The following SGSM3 variants were observed in gnomAD, a reference collection of about 807,000 sequenced individuals.
SGSM3 encodes the protein small G protein signaling modulator 3, also known as RUN and SH3 containing 3.
In SGSM3, 96 loss-of-function variants were observed where a neutral mutation model predicts 100.5. That is an observed-to-expected ratio of 0.96 (90% CI 0.81 to 1.13). The LOEUF is 1.13. SGSM3 is among the 50% of genes most tolerant of loss of function. SGSM3 has a pLI of 0.00. For synonymous variants in SGSM3, 483 were observed against 422.8 expected, an observed-to-expected ratio of 1.14 and a Z score of -1.75; for missense variants, 1,001 against 1,015.8, an observed-to-expected ratio of 0.99 and a Z score of 0.20.
intron 6 of SGSM3, 59 bp from the exon 7 acceptor site, chr22:40,405,082 C>T: frequency 1.4e-6 from 2 of 1,453,974 alleles, no homozygotes; most frequent in South Asian, 1.6e-5. Context: ...CTGGGGTCTG[C>T]CTCCCTCCCA....
In SGSM3 at chr22:40,370,664, G is replaced by A. The variant is rs542534521; in HGVS notation, c.-136G>A. 2 of 152,524 alleles carry A rather than the reference G, an allele frequency of 1.3e-5. No homozygotes were observed. Among genetic ancestry groups the A allele is most frequent in the East Asian group, 1.9e-4 (1 of 5,188 alleles). The allele number at this position is 152,524 out of a possible 1,614,324, so 9.4% of individuals were successfully genotyped here. On this transcript the variant is annotated 5_prime_UTR_variant, in exon 1 of 22. Coordinates refer to ENST00000248929, the MANE Select transcript of SGSM3 (RefSeq NM_015705.6). ...GGAAGCTGCTAACCCGACCCGGATT[G>A]GCGCTGAGGTGGCCCGTGGGGCAGG...
rs760678093 is a variant in SGSM3 at position 40,408,305 on chromosome 22, C to T, written c.1658C>T (p.Thr553Met). 35 of 1,613,406 alleles carry T rather than the reference C, an allele frequency of 2.2e-5. No individual in the cohort carries two copies. The highest frequency in any genetic ancestry group is 5.5e-5 in the South Asian group (5 of 91,086). Residue 553 changes from threonine (T) to methionine (M), a missense_variant, in exon 16 of 22, where the codon ACG becomes ATG. Thr to Met is a moderately conservative substitution (Grantham distance 81). Coordinates refer to ENST00000248929, the MANE Select transcript of SGSM3 (RefSeq NM_015705.6). ...EYSIAGDDSV[T>M]EGVTDLVRGT... ...TCCATCGCGGGGGATGACTCGGTGA[C>T]GGAGGGGGTCACAGACCTCGTGCGA...
intron 1 of SGSM3, among the ~76,000 whole-genome samples, chr22:40,374,120 T>G (rs1203490056): frequency 6.6e-6 from 1 of 151,624 alleles, no homozygotes; most frequent in Non-Finnish European, 1.5e-5. Context: ...GCCCGGCTAA[T>G]TTTTTGTATT....
At chr22:40,399,908 G>C (rs1004130100) in intron 1 of SGSM3, among the ~76,000 whole-genome samples, 3 of 152,256 alleles carry the variant, frequency 2.0e-5, no homozygotes, top group African/African-American at 7.2e-5. Context: ...GGCTTGGCCA[G>C]TGTGTGTCTG....
chr22:40,406,982 G>C (rs368339980), intron 10 of SGSM3, 35 bp from the exon 11 acceptor site: 1 of 1,553,556 alleles, frequency 6.4e-7, no homozygotes, highest in South Asian at 1.2e-5. Context: ...TCCTCCCGGG[G>C]CCAGGACCAC....
At chr22:40,406,926 G>A (rs1353221437) in intron 10 of SGSM3, 91 bp from the exon 11 acceptor site, 1 of 1,263,052 alleles carries the variant, frequency 7.9e-7, no homozygotes, top group East Asian at 2.5e-5. Context: ...AGCGTCAGAG[G>A]CTATTTCAGA....
chr22:40,409,568 C>T (rs1421590419), intron 21 of SGSM3, 43 bp downstream of exon 21: 2 of 1,613,004 alleles, frequency 1.2e-6, no homozygotes, highest in Non-Finnish European at 1.7e-6. Flanking sequence ...GATGGAGCTG[C>T]CCAAACCGTT....
intron 4 of SGSM3, among the ~76,000 whole-genome samples, chr22:40,402,598 G>C (rs1445336396): frequency 6.6e-6 from 1 of 152,156 alleles, no homozygotes; most frequent in African/African-American, 2.4e-5. Flanking sequence ...AATTTGCCAG[G>C]TGTGATGGTG....
chr22:40,394,022 A>G (rs1453588337), intron 1 of SGSM3, among the ~76,000 whole-genome samples: 1 of 152,118 alleles, frequency 6.6e-6, no homozygotes, highest in Non-Finnish European at 1.5e-5. Context: ...CCAGTTCCCA[A>G]ATTTTGTTTC....
chr22:40,394,079 T>A (rs1159916313), intron 1 of SGSM3, among the ~76,000 whole-genome samples: 2 of 152,176 alleles, frequency 1.3e-5, no homozygotes, highest in African/African-American at 2.4e-5. Flanking sequence ...TGTTTTAGGA[T>A]TTGGTCCTAG....
chr22:40,374,779 C>A (rs897570625), intron 1 of SGSM3, among the ~76,000 whole-genome samples: 2 of 152,226 alleles, frequency 1.3e-5, no homozygotes, highest in African/African-American at 4.8e-5. Flanking sequence ...ACTCGGGAGG[C>A]TGAGGCAGGA....
chr22:40,375,388 T>C (rs1439703034), intron 1 of SGSM3, among the ~76,000 whole-genome samples: 1 of 152,164 alleles, frequency 6.6e-6, no homozygotes, highest in Admixed American at 6.5e-5. Flanking sequence ...GAGACTAGCC[T>C]GGACAACATG....
At chr22:40,390,068 A>C (rs1479941146) in intron 1 of SGSM3, among the ~76,000 whole-genome samples, 6 of 152,222 alleles carry the variant, frequency 3.9e-5, no homozygotes, top group Admixed American at 2.0e-4. Context: ...GCCATTTCAC[A>C]GATACGGAAC....
intron 1 of SGSM3, among the ~76,000 whole-genome samples, chr22:40,399,407 G>C (rs1319043931): frequency 6.6e-6 from 1 of 152,226 alleles, no homozygotes. Flanking sequence ...CCAGCAGGAG[G>C]CGTAATAGAG....
At chr22:40,408,884 G>T in intron 18 of SGSM3, 42 bp downstream of exon 18, 1 of 1,613,968 alleles carries the variant, frequency 6.2e-7, no homozygotes, top group Non-Finnish European at 8.5e-7. Flanking sequence ...ACCTCTCTGG[G>T]GTTAGCCTGT....
chr22:40,402,239 T>C (rs754272073), intron 4 of SGSM3, 34 bp downstream of exon 4: 1 of 1,549,274 alleles, frequency 6.5e-7, no homozygotes, highest in South Asian at 1.1e-5. Context: ...GTCATCTTGC[T>C]GATGTTCTTT....
Position 40,407,445 on chromosome 22 carries a change from C to A in SGSM3, c.1401C>A (p.His467Gln). 6.2e-7 allele frequency: 1 copy of A among 1,612,690 alleles called. No individual in the cohort carries two copies. Among genetic ancestry groups the A allele is most frequent in the Non-Finnish European group, 8.5e-7 (1 of 1,179,860 alleles). ...CTCCAGACTATAGCATGGAGAGCCACCAGCGGGACCACGAGAACTACGTGG... is the reference window on the plus strand; with the variant it reads ...CTCCAGACTATAGCATGGAGAGCCAACAGCGGGACCACGAGAACTACGTGG... ...ELTPDYSMES[H>Q]QRDHENYVAC... The change falls in exon 13 of 22, where the codon CAC (histidine) becomes CAA (glutamine). Residue 467 changes from histidine (H) to glutamine (Q), a missense_variant. His to Gln is a conservative substitution (Grantham distance 24, BLOSUM62 0). Coordinates refer to ENST00000248929, the MANE Select transcript of SGSM3 (RefSeq NM_015705.6). This position sits in a 1 kb window ranked among gnomAD's most constrained non-coding sequence, Gnocchi z 4.7.
chr22:40,406,345 A>T, intron 9 of SGSM3, 93 bp from the exon 10 acceptor site: 1 of 1,506,620 alleles, frequency 6.6e-7, no homozygotes, highest in South Asian at 1.3e-5. Flanking sequence ...TGCCAAGGCA[A>T]ACGGGTCCCT....
At chr22:40,391,975 T>G (rs939408792) in intron 1 of SGSM3, among the ~76,000 whole-genome samples, 24 of 152,196 alleles carry the variant, frequency 1.6e-4, no homozygotes, top group Non-Finnish European at 2.8e-4. Flanking sequence ...CGTAAATAGC[T>G]TTTTTCCCCC....
Sources: allele counts gnomAD v4.1 joint callset (sites outside exome capture counted in the v4.1 genomes callset), GRCh38; gene constraint gnomAD v4.1.1; non-coding constraint Gnocchi (gnomAD v3.1); transcripts MANE v1.5; gene names NCBI Gene and HGNC (gene_info 2026-07-23, HGNC 2026-07-21).